Variants in MAPK10 observed in about 807,000 individuals in gnomAD.
MAPK10 encodes JNK3 alpha protein kinase.
Under a neutral mutation model 59.3 loss-of-function variants are expected in MAPK10, and 25 were observed. The ratio of observed to expected loss-of-function variants is 0.42; its 90% CI spans 0.31 to 0.59. The LOEUF (loss-of-function observed/expected upper bound fraction) is 0.59, where lower values mean the gene tolerates loss of function less well. Ranked by LOEUF, MAPK10 falls within the 20% of genes least tolerant of loss-of-function variation. MAPK10 has a pLI of 0.15. For missense variants in MAPK10, 351 were observed against 568.9 expected (o/e 0.62, Z 3.90); for synonymous variants, 190 against 200.5 (o/e 0.95, Z 0.44).
At chr4:86,416,686 C>A (rs1456446547) in intron 1 of MAPK10, among the ~76,000 whole-genome samples, 3 of 152,190 alleles carry the variant, frequency 2.0e-5, no homozygotes, top group African/African-American at 7.2e-5. Context: ...TGAATTGCAT[C>A]CTTGGCTTTC....
intron 2 of MAPK10, among the ~76,000 whole-genome samples, chr4:86,255,085 TAAAAGAAA>T (rs899164005): frequency 3.5e-5 from 5 of 144,876 alleles, no homozygotes; most frequent in East Asian, 3.9e-4. Flanking sequence ...TCTGATTTAA[TAAAAGAAA>T]AAAAGAAAAA....
At chr4:86,484,321 G>A (rs1242118783) in intron 1 of MAPK10, among the ~76,000 whole-genome samples, 1 of 152,162 alleles carries the variant, frequency 6.6e-6, no homozygotes, top group African/African-American at 2.4e-5. Flanking sequence ...TCATTTTGCA[G>A]ATAACTGATG....
At chr4:86,443,462 A>AACT (rs1232875477) in intron 1 of MAPK10, among the ~76,000 whole-genome samples, 1 of 152,084 alleles carries the variant, frequency 6.6e-6, no homozygotes, top group African/African-American at 2.4e-5. Context: ...GAAAATACCC[A>AACT]ACTCCAGCTC....
At chr4:86,232,375 A>ATT (rs528181092) in intron 2 of MAPK10, among the ~76,000 whole-genome samples, 30 of 144,136 alleles carry the variant, frequency 2.1e-4, no homozygotes, top group African/African-American at 5.4e-4. Context: ...AATAGAATCA[A>ATT]TTTTTTTTTT....
intron 1 of MAPK10, among the ~76,000 whole-genome samples, chr4:86,381,138 T>C (rs2149001153): frequency 6.6e-6 from 1 of 152,316 alleles, no homozygotes; most frequent in East Asian, 1.9e-4. Context: ...TTGGAATCTT[T>C]GAGGATCTGG....
At chr4:86,349,174 G>A (rs1729837871) in intron 2 of MAPK10, among the ~76,000 whole-genome samples, 1 of 152,148 alleles carries the variant, frequency 6.6e-6, no homozygotes, top group South Asian at 2.1e-4. Context: ...CTGAGAGATT[G>A]GCAAACAACA....
intron 1 of MAPK10, among the ~76,000 whole-genome samples, chr4:86,549,882 AGAAAG>A (rs1448903708): frequency 6.6e-6 from 1 of 152,196 alleles, no homozygotes; most frequent in Non-Finnish European, 1.5e-5. Context: ...CAATAAGGGA[AGAAAG>A]GAGAGGAGAG....
intron 1 of MAPK10, among the ~76,000 whole-genome samples, chr4:86,546,046 T>C (rs1223371346): frequency 1.3e-5 from 2 of 148,834 alleles, no homozygotes; most frequent in Non-Finnish European, 3.0e-5. Flanking sequence ...AGCTCAGGAG[T>C]TCAAGACCAG....
At position 86,025,837 on chromosome 4, in the gene MAPK10, C is replaced by CT. The variant is rs559441464; in HGVS notation, c.1252+3359dup. On this transcript the variant is annotated intron_variant, in intron 13 of 13. Transcript: ENST00000641462. Reference sequence around the variant, plus strand: ...TGTTATGGGGGAAAATGTTGTTCTGCTTTTTTTAAAGGCAATGATTTTCCT... The same window carrying CT: ...TGTTATGGGGGAAAATGTTGTTCTGCTTTTTTTTAAAGGCAATGATTTTCCT... 1.7e-3 allele frequency among the ~76,000 whole-genome samples: 259 copies of CT among 152,114 alleles called. 1 individual carries two copies. Among genetic ancestry groups the CT allele is most frequent in the African/African-American group, 5.9e-3 (245 of 41,480 alleles).
chr4:86,140,607 A>G (rs1222540696), intron 4 of MAPK10, among the ~76,000 whole-genome samples: 1 of 151,054 alleles, frequency 6.6e-6, no homozygotes, highest in African/African-American at 2.4e-5. Flanking sequence ...TGGGTGCAGC[A>G]CACCAGCATG....
At chr4:86,080,474 T>TTTTA (rs2050411212) in intron 9 of MAPK10, 2 of 151,974 alleles carry the variant, frequency 1.3e-5, no homozygotes, top group Non-Finnish European at 2.9e-5. Context: ...AAATTCTATA[T>TTTTA]CTAACTAAAC....
At chr4:86,491,146 T>C (rs1478821659) in intron 1 of MAPK10, among the ~76,000 whole-genome samples, 2 of 152,168 alleles carry the variant, frequency 1.3e-5, no homozygotes, top group Non-Finnish European at 2.9e-5. Context: ...GAGCAAAGTA[T>C]GGCAGTCAGA....
intron 2 of MAPK10, among the ~76,000 whole-genome samples, chr4:86,233,045 T>C (rs2091805757): frequency 6.6e-6 from 1 of 152,126 alleles, no homozygotes; most frequent in Non-Finnish European, 1.5e-5. Flanking sequence ...ATACAAGCTT[T>C]TTGATAAAAT....
At chr4:86,453,066 C>A (rs1305417602) in exon 1 of MAPK10, 1 of 152,232 alleles carries the variant, frequency 6.6e-6, no homozygotes, top group Admixed American at 6.5e-5. Flanking sequence ...GCGTGAAATA[C>A]AGGGGTAGAG....
At position 86,022,486 on chromosome 4, in the gene MAPK10, CCTTTCTTTCTTG is replaced by C. The variant is rs565892699; in HGVS notation, c.1253-5128_1253-5117del. ...GTTGTAAGCTCTTTAGCTCTTTCTT[CCTTTCTTTCTTG>C]CTTTCTTTCTTCTTTATTTCTTTTT... On this transcript the variant is annotated intron_variant, in intron 13 of 13. Transcript: ENST00000641462. 5.0e-3 allele frequency among the ~76,000 whole-genome samples: 757 copies of C among 151,684 alleles called. 4 individuals carry two copies. Among genetic ancestry groups the C allele is most frequent in the African/African-American group, 0.017 (714 of 41,372 alleles).
chr4:86,513,030 A>G (rs1756397292), intron 1 of MAPK10, among the ~76,000 whole-genome samples: 1 of 152,144 alleles, frequency 6.6e-6, no homozygotes, highest in African/African-American at 2.4e-5. Context: ...TTCTGCTGGT[A>G]ACTTGACAGA....
intron 2 of MAPK10, among the ~76,000 whole-genome samples, chr4:86,320,078 T>C (rs962361697): frequency 6.6e-6 from 1 of 152,200 alleles, no homozygotes; most frequent in African/African-American, 2.4e-5. Context: ...AACGGTGGTA[T>C]TGGGAGGCAC....
intron 1 of MAPK10, among the ~76,000 whole-genome samples, chr4:86,376,227 T>C (rs938581947): frequency 2.6e-5 from 4 of 152,090 alleles, no homozygotes; most frequent in African/African-American, 9.7e-5. Flanking sequence ...TCTTTTCTTC[T>C]CCCCACTCAA....
At chr4:86,547,284 G>A (rs1005518602) in intron 1 of MAPK10, among the ~76,000 whole-genome samples, 17 of 152,160 alleles carry the variant, frequency 1.1e-4, no homozygotes, top group South Asian at 2.1e-4. Context: ...GGCCAAGGCC[G>A]GAGCCGGCTC....
Sources: gnomAD v4.1 joint callset for allele counts (sites outside exome capture counted in the v4.1 genomes callset) on GRCh38, gnomAD v4.1.1 for gene constraint, MANE v1.5 for transcripts, NCBI Gene and HGNC (gene_info 2026-07-23, HGNC 2026-07-21) for gene names.